Variants in COL4A3 observed in about 807,000 individuals in gnomAD.
COL4A3 encodes the protein collagen type IV alpha 3 chain.
In COL4A3, 135 loss-of-function variants were observed where a neutral mutation model predicts 217.4. The observed-to-expected ratio is 0.62, with a 90% CI of 0.54 to 0.72. COL4A3 has a LOEUF of 0.72. COL4A3 is among the 30% of genes least tolerant of loss of function. The pLI, the probability that COL4A3 is intolerant of heterozygous loss-of-function variation, is 0.00. For synonymous variants in COL4A3, 690 were observed against 736.3 expected (o/e 0.94, Z 1.02); for missense variants, 1,868 against 2,119.9 (o/e 0.88, Z 2.33).
Position 227,266,399 on chromosome 2 carries a change from G to T in COL4A3, c.1316-18G>T. ...AAAACACAAATAAAAAATTGTCTTT[G>T]GTGCTGTATTTTTATAGGTGACATC... On this transcript the variant is annotated intron_variant, in intron 21 of 51. Transcript: ENST00000396578. 6.3e-7 allele frequency: 1 copy of T among 1,591,870 alleles called. No homozygotes were observed. The highest frequency in any genetic ancestry group is 8.6e-7 in the Non-Finnish European group (1 of 1,160,028).
Position 227,253,513 on chromosome 2 carries a change from G to C in COL4A3, c.688-48G>C. 6.6e-7 allele frequency: 1 copy of C among 1,512,548 alleles called. No homozygotes were observed. The highest frequency in any genetic ancestry group is 9.2e-7 in the Non-Finnish European group (1 of 1,087,516). 93.7% of individuals were successfully genotyped at this position (1,512,548 alleles called of 1,614,324 possible). A position where few individuals can be genotyped will look rare whatever the true frequency, so the allele number is the denominator to read the frequency against. ...CTTTCAAACGTAGTAACATTGAAAT[G>C]TTGATGCTGTTGTTTATTTTCTCAC... On this transcript the variant is annotated intron_variant, in intron 12 of 51. Transcript: ENST00000396578. The surrounding 1 kb of genome is among the most constrained non-coding windows in gnomAD (Gnocchi z 4.4).
intron 1 of COL4A3, among the ~76,000 whole-genome samples, chr2:227,166,099 T>C (rs1208398709): frequency 6.6e-6 from 1 of 152,248 alleles, no homozygotes; most frequent in African/African-American, 2.4e-5. Flanking sequence ...TTTTTCTTTT[T>C]GCTTTGTTGC....
Position 227,248,504 on chromosome 2 carries a change from G to C in COL4A3, c.530G>C (p.Gly177Ala). ...LDAKGDPGLP[G>A]APGPQGLPGP... ...GCAAAAGGCGACCCCGGGTTGCCAGGGGCTCCAGGACCCCAGGTACAGCAC... is the reference window on the plus strand; with the variant it reads ...GCAAAAGGCGACCCCGGGTTGCCAGCGGCTCCAGGACCCCAGGTACAGCAC... Residue 177 changes from glycine (G) to alanine (A), a missense_variant, in exon 9 of 52, where the codon GGG becomes GCG. Gly to Ala is a moderately conservative substitution (Grantham distance 60). Coordinates refer to ENST00000396578, the MANE Select transcript of COL4A3 (RefSeq NM_000091.5). The C allele has an allele frequency of 6.2e-7, 1 of 1,612,742 alleles. No individual in the cohort carries two copies. The highest frequency in any genetic ancestry group is 8.5e-7 in the Non-Finnish European group (1 of 1,178,962).
chr2:227,223,383 G>A (rs1362516716), intron 1 of COL4A3, among the ~76,000 whole-genome samples: 2 of 152,164 alleles, frequency 1.3e-5, no homozygotes, highest in African/African-American at 2.4e-5. Context: ...TCAAGGAAGT[G>A]TGTTACTCAT....
At chr2:227,187,688 G>A (rs2125692387) in intron 1 of COL4A3, among the ~76,000 whole-genome samples, 1 of 152,320 alleles carries the variant, frequency 6.6e-6, no homozygotes, top group Non-Finnish European at 1.5e-5. Flanking sequence ...TAGCAATGCA[G>A]TAGAAATTCT....
intron 33 of COL4A3, 63 bp downstream of exon 33, chr2:227,283,919 C>CA (rs1202289749): frequency 2.1e-5 from 30 of 1,423,572 alleles, no homozygotes; most frequent in Non-Finnish European, 2.9e-5. Flanking sequence ...TATTTTGCAG[C>CA]AAAAAAAGTT....
intron 1 of COL4A3, among the ~76,000 whole-genome samples, chr2:227,208,311 T>C (rs1216858838): frequency 6.6e-6 from 1 of 152,186 alleles, no homozygotes; most frequent in Non-Finnish European, 1.5e-5. Context: ...TTCAGGGTCA[T>C]GCGGCTTCTG....
chr2:227,251,490 C>T (rs1369564698), intron 11 of COL4A3, 119 bp downstream of exon 11: 1 of 910,392 alleles, frequency 1.1e-6, no homozygotes, highest in Non-Finnish European at 1.8e-6. Flanking sequence ...CACAAGGATC[C>T]CTAGCAGGGA....
At chr2:227,274,035 A>G (rs888084732) in intron 26 of COL4A3, among the ~76,000 whole-genome samples, 1 of 152,028 alleles carries the variant, frequency 6.6e-6, no homozygotes, top group African/African-American at 2.4e-5. Flanking sequence ...TCAGGAGTTC[A>G]AGACCAGCCG....
rs56065709 is a variant in COL4A3 at position 227,302,677 on chromosome 2, C to CAAAAAAAAAAAAAAAAA, written c.3883-348_3883-332dup. 6.4e-3 allele frequency among the ~76,000 whole-genome samples: 508 copies of CAAAAAAAAAAAAAAAAA among 79,836 alleles called. 62 individuals carry two copies. Among genetic ancestry groups the CAAAAAAAAAAAAAAAAA allele is most frequent in the East Asian group, 9.3e-3 (22 of 2,366 alleles). The allele number at this position is 79,836 out of a possible 152,430, so 52.4% of individuals were successfully genotyped here. ...GGAGGACAAAACGAGACTCTTTCTC[C>CAAAAAAAAAAAAAAAAA]AAAAAAAAAAAAAAAAAAAAAAAAA... On this transcript the variant is annotated intron_variant, in intron 43 of 51. Transcript: ENST00000396578.
chr2:227,177,268 G>A (rs1445763251), intron 1 of COL4A3, among the ~76,000 whole-genome samples: 2 of 150,338 alleles, frequency 1.3e-5, no homozygotes, highest in Non-Finnish European at 3.0e-5. Flanking sequence ...TCCTGCCTCA[G>A]CCTCCTGAGT....
chr2:227,290,030 T>A lies in COL4A3; in HGVS notation c.3012T>A (p.Asn1004Lys), dbSNP rs2106206235. 3 of 1,614,158 alleles carry A rather than the reference T, an allele frequency of 1.9e-6. No homozygotes were observed. In the East Asian group the frequency reaches 6.7e-5, roughly 36 times the overall value. The change falls in exon 36 of 52, where the codon AAT becomes AAA. Residue 1004 changes from asparagine (N) to lysine (K), a missense_variant. Around this residue, in one of 2 missense-constraint regions of COL4A3, gnomAD observed 1,503 missense variants for 1,786.1 expected, o/e 0.84. Coordinates refer to ENST00000396578, the MANE Select transcript of COL4A3 (RefSeq NM_000091.5). ...GAGGAGATTTGGGCAGCACTGGGAA[T>A]CCTGGAGAACCAGGACTGCGTGGTA... ...GPRGDLGSTGNPGEPGLRGIP... is the reference protein window; with the variant it reads ...GPRGDLGSTGKPGEPGLRGIP...
intron 30 of COL4A3, 149 bp from the exon 31 acceptor site, chr2:227,280,744 A>G (rs2071904118): frequency 9.2e-7 from 1 of 1,090,952 alleles, no homozygotes; most frequent in African/African-American, 1.6e-5. Context: ...CTTCTTTTTT[A>G]ATGAGTGCCC....
intron 1 of COL4A3, among the ~76,000 whole-genome samples, chr2:227,200,648 G>A (rs1363458066): frequency 6.6e-6 from 1 of 152,192 alleles, no homozygotes; most frequent in East Asian, 1.9e-4. Context: ...AGTACAAGCA[G>A]GGCTAAAATG....
At chr2:227,218,390 C>T (rs1433267770) in intron 1 of COL4A3, among the ~76,000 whole-genome samples, 4 of 152,032 alleles carry the variant, frequency 2.6e-5, no homozygotes, top group African/African-American at 9.6e-5. Context: ...GGCGTGAACC[C>T]GGGAGGAGGA....
In COL4A3 at chr2:227,246,726, C is replaced by T. The variant is rs757421963; in HGVS notation, c.429C>T (p.Tyr143=). 8.7e-6 allele frequency: 14 copies of T among 1,612,018 alleles called. No homozygotes were observed. The African/African-American group carries it at 9.4e-5, about 11-fold the overall frequency. The change falls in exon 7 of 52, where the codon TAC becomes TAT. Residue 143 remains tyrosine, a synonymous_variant. Transcript: ENST00000396578. The stretch of plus-strand genomic sequence containing the variant: ...CAGGACTCCCAGGGACACTGGGCTA[C>T]CCAGGGATCCCGGTAGGTTTGCATG... ...GFPGLPGTLG[Y]PGIPGAAGLK... is the part of the protein sequence containing the mutation.
rs35199710 is a variant in COL4A3, at chr2:227,220,136, A to ATGTGTG, written c.88-17808_88-17803dup. Among the ~76,000 whole-genome samples the ATGTGTG allele has an allele frequency of 5.8e-3, 742 of 127,138 alleles. 8 individuals are homozygous for ATGTGTG. Among genetic ancestry groups the ATGTGTG allele is most frequent in the East Asian group, 0.022 (96 of 4,356 alleles). 83.4% of individuals were successfully genotyped at this position (127,138 alleles called of 152,430 possible). ...GCTTCTTGTTTAATAAGGCGGTTTT[A>ATGTGTG]TGTGTGTGTGTGTGTGTGTGTGTGT... On this transcript the variant is annotated intron_variant, in intron 1 of 51. Coordinates refer to ENST00000396578, the MANE Select transcript of COL4A3 (RefSeq NM_000091.5).
At chr2:227,245,270 C>A (rs966019449) in intron 5 of COL4A3, among the ~76,000 whole-genome samples, 5 of 151,200 alleles carry the variant, frequency 3.3e-5, no homozygotes, top group Non-Finnish European at 7.4e-5. Flanking sequence ...ATTCCACATC[C>A]ATGGATTCAA....
chr2:227,227,235 G>C (rs2068145552), intron 1 of COL4A3, among the ~76,000 whole-genome samples: 2 of 152,166 alleles, frequency 1.3e-5, no homozygotes, highest in South Asian at 4.1e-4. Flanking sequence ...GGGGCACAGT[G>C]ATAGGGTGAG....
Sources: allele counts gnomAD v4.1 joint callset (sites outside exome capture counted in the v4.1 genomes callset), GRCh38; gene constraint gnomAD v4.1.1; regional missense constraint gnomAD v4.1.1; non-coding constraint Gnocchi (gnomAD v3.1); transcripts MANE v1.5; gene names NCBI Gene and HGNC (gene_info 2026-07-23, HGNC 2026-07-21).